CFAP299: variants seen among roughly 807,000 people sequenced by gnomAD.
The protein encoded by CFAP299 is cilia and flagella associated protein 299, also known as cilia- and flagella-associated protein 299.
Under a neutral mutation model 27.0 loss-of-function variants are expected in CFAP299, and 21 were observed. The ratio of observed to expected loss-of-function variants is 0.78; its 90% CI spans 0.55 to 1.12. The LOEUF (loss-of-function observed/expected upper bound fraction) is 1.12. CFAP299 is among the 50% of genes most tolerant of loss of function. The pLI is 0.00. For missense variants in CFAP299, 310 were observed against 276.6 expected (o/e 1.12, Z -0.86); for synonymous variants, 104 against 98.1 (o/e 1.06, Z -0.36).
chr4:80,733,048 C>T (rs1057148543), intron 3 of CFAP299, among the ~76,000 whole-genome samples: 1 of 151,984 alleles, frequency 6.6e-6, no homozygotes, highest in Non-Finnish European at 1.5e-5. Context: ...CTGTATGTGG[C>T]TATAATTTTG....
chr4:80,889,766 A>T (rs907450410), intron 4 of CFAP299, among the ~76,000 whole-genome samples: 3 of 152,092 alleles, frequency 2.0e-5, no homozygotes, highest in African/African-American at 4.8e-5. Context: ...CATTAAAAAG[A>T]TCATTCATCA....
chr4:80,903,477 A>G (rs947480453), intron 4 of CFAP299, among the ~76,000 whole-genome samples: 1 of 152,022 alleles, frequency 6.6e-6, no homozygotes, highest in African/African-American at 2.4e-5. Context: ...GACAACCTCT[A>G]TTGAAGACAA....
chr4:80,376,822 T>C (rs978468768), intron 2 of CFAP299, among the ~76,000 whole-genome samples: 1 of 152,224 alleles, frequency 6.6e-6, no homozygotes, highest in African/African-American at 2.4e-5. Context: ...GCCTGGCTAA[T>C]TTTTGTATTT....
chr4:80,864,418 G>GTA (rs566032095), intron 3 of CFAP299, among the ~76,000 whole-genome samples: 18 of 140,918 alleles, frequency 1.3e-4, no homozygotes, highest in East Asian at 2.1e-4. Context: ...GTGTGTATGT[G>GTA]TATATATATA....
chr4:80,629,655 G>A (rs1037150746), intron 3 of CFAP299, among the ~76,000 whole-genome samples: 4 of 152,016 alleles, frequency 2.6e-5, no homozygotes, highest in East Asian at 1.9e-4. Flanking sequence ...CGAGATGGGC[G>A]GATCACTTGA....
chr4:80,508,144 T>C (rs1294188442), intron 2 of CFAP299, among the ~76,000 whole-genome samples: 1 of 152,196 alleles, frequency 6.6e-6, no homozygotes, highest in Non-Finnish European at 1.5e-5. Flanking sequence ...TAGTATGGAC[T>C]TAATTCTTTT....
chr4:80,327,732 C>CATATATATATATATATAACTTCAATACAT, the CFAP299 span, among the ~76,000 whole-genome samples: 3 of 103,156 alleles, frequency 2.9e-5, no homozygotes, highest in African/African-American at 1.1e-4. Flanking sequence ...AACTTCAATA[C>CATATATATATATATATAACTTCAATACAT]ATATATATAT....
At chr4:80,447,137 T>TTTTTGTTTTTTG (rs1728666601) in intron 2 of CFAP299, among the ~76,000 whole-genome samples, 1 of 31,640 alleles carries the variant, frequency 3.2e-5, no homozygotes, top group African/African-American at 8.0e-5. Context: ...TTTGTTTTTT[T>TTTTTGTTTTTTG]TTTTTTTTTT....
intron 2 of CFAP299, among the ~76,000 whole-genome samples, chr4:80,576,782 C>A (rs1353424654): frequency 6.6e-6 from 1 of 152,098 alleles, no homozygotes; most frequent in Non-Finnish European, 1.5e-5. Context: ...AGAGAGGTTG[C>A]ATTATATATT....
Position 80,768,798 on chromosome 4 carries a change from A to G in CFAP299, c.334-101195A>G, listed in dbSNP as rs577860096. 8.5e-5 allele frequency among the ~76,000 whole-genome samples: 13 copies of G among 152,346 alleles called. No homozygotes were observed. In the South Asian group the frequency reaches 2.7e-3, roughly 32 times the overall value. On this transcript the variant is annotated intron_variant, in intron 3 of 5. Coordinates refer to ENST00000358105, the MANE Select transcript of CFAP299 (RefSeq NM_152770.3). ...TTTGAGTGTCAAGGGTCCAAGGCATAGATACAAAAATGAGTACAACTGAGT... is the reference window on the plus strand; with the variant it reads ...TTTGAGTGTCAAGGGTCCAAGGCATGGATACAAAAATGAGTACAACTGAGT...
chr4:80,582,044 ACT>A (rs1247424921), intron 2 of CFAP299, among the ~76,000 whole-genome samples: 3 of 151,532 alleles, frequency 2.0e-5, no homozygotes, highest in Admixed American at 6.6e-5. Context: ...TCTTGTGTTT[ACT>A]CTCTGTTTTG....
At chr4:80,584,797 A>G (rs577888927) in intron 3 of CFAP299, among the ~76,000 whole-genome samples, 12 of 152,102 alleles carry the variant, frequency 7.9e-5, no homozygotes, top group Middle Eastern at 6.8e-3. Flanking sequence ...CTTAGTCGTT[A>G]AACAGGTAGT....
At chr4:80,715,016 G>A (rs1043924862) in intron 3 of CFAP299, among the ~76,000 whole-genome samples, 1 of 152,026 alleles carries the variant, frequency 6.6e-6, no homozygotes, top group African/African-American at 2.4e-5. Flanking sequence ...ATTCCACAGG[G>A]CTGACTCTTG....
chr4:80,351,162 T>C (rs900808258), intron 1 of CFAP299, among the ~76,000 whole-genome samples: 1 of 152,104 alleles, frequency 6.6e-6, no homozygotes, highest in Non-Finnish European at 1.5e-5. Context: ...GAAGGAAAAT[T>C]ATATATAAGC....
intron 3 of CFAP299, among the ~76,000 whole-genome samples, chr4:80,864,867 T>C (rs1732630782): frequency 6.6e-6 from 1 of 152,186 alleles, no homozygotes; most frequent in Non-Finnish European, 1.5e-5. Flanking sequence ...TGTTATTTAA[T>C]TCACACACCA....
chr4:80,620,857 A>G (rs1324698691), intron 3 of CFAP299, among the ~76,000 whole-genome samples: 1 of 152,138 alleles, frequency 6.6e-6, no homozygotes, highest in African/African-American at 2.4e-5. Flanking sequence ...GTATACAATG[A>G]GAGAAATAAT....
At chr4:80,373,538 A>G (rs1281414870) in intron 2 of CFAP299, among the ~76,000 whole-genome samples, 1 of 152,170 alleles carries the variant, frequency 6.6e-6, no homozygotes, top group Non-Finnish European at 1.5e-5. Flanking sequence ...AACCTCAAGT[A>G]ACCATCTTTA....
chr4:80,558,728 C>A (rs1161049769), intron 2 of CFAP299, among the ~76,000 whole-genome samples: 13 of 150,458 alleles, frequency 8.6e-5, no homozygotes, highest in African/African-American at 3.2e-4. Flanking sequence ...GTGTGTAGAA[C>A]ATAGATTAAA....
At chr4:80,722,671 C>T (rs1342690821) in intron 3 of CFAP299, among the ~76,000 whole-genome samples, 2 of 152,042 alleles carry the variant, frequency 1.3e-5, no homozygotes, top group Non-Finnish European at 2.9e-5. Flanking sequence ...GAGGCTGAGG[C>T]AGGCGGATCA....
Sources: allele counts gnomAD v4.1 joint callset (sites outside exome capture counted in the v4.1 genomes callset), GRCh38; gene constraint gnomAD v4.1.1; transcripts MANE v1.5; gene names NCBI Gene and HGNC (gene_info 2026-07-23, HGNC 2026-07-21).